SNTG1: variants seen among roughly 807,000 people sequenced by gnomAD.
SNTG1 encodes gamma-1-syntrophin.
A neutral mutation model predicts 74.7 loss-of-function variants in SNTG1; 39 were observed. That is an observed-to-expected ratio of 0.52 (90% CI 0.40 to 0.68). The LOEUF is 0.68. Ranked by LOEUF, SNTG1 falls within the 30% of genes least tolerant of loss-of-function variation. The pLI, the probability that SNTG1 is intolerant of heterozygous loss-of-function variation, is 0.00. For synonymous variants in SNTG1, 254 were observed against 217.1 expected (o/e 1.17, Z -1.49); for missense variants, 685 against 609.5 (o/e 1.12, Z -1.30).
chr8:50,394,313 G>C, intron 3 of SNTG1, 48 bp downstream of exon 3: 1 of 1,589,260 alleles, frequency 6.3e-7, no homozygotes, highest in Admixed American at 1.7e-5. Context: ...CAGAATATAA[G>C]CGGGAAACAC....
At chr8:50,658,255 T>C (rs2095195971) in intron 14 of SNTG1, among the ~76,000 whole-genome samples, 1 of 138,714 alleles carries the variant, frequency 7.2e-6, no homozygotes, top group Admixed American at 7.3e-5. Flanking sequence ...TAACTAGTGG[T>C]AAATTAAAAA....
At chr8:50,088,983 T>G (rs1823195990) in intron 1 of SNTG1, among the ~76,000 whole-genome samples, 1 of 151,624 alleles carries the variant, frequency 6.6e-6, no homozygotes, top group African/African-American at 2.4e-5. Context: ...GCTGGAGGCA[T>G]CACACTACCT....
At chr8:50,396,127 G>A (rs35063719) in intron 3 of SNTG1, among the ~76,000 whole-genome samples, 104,704 of 152,112 alleles carry the variant, frequency 0.69, 36,259 homozygotes, top group East Asian at 0.84. Flanking sequence ...TTATTTAATT[G>A]GTAATACTGT....
At chr8:50,537,288 C>T (rs572655936) in intron 11 of SNTG1, among the ~76,000 whole-genome samples, 1 of 152,074 alleles carries the variant, frequency 6.6e-6, no homozygotes, top group South Asian at 2.1e-4. Flanking sequence ...CCATGCCCAG[C>T]TAATTTTTTG....
At chr8:49,930,325 C>G (rs1225401188) in intron 1 of SNTG1, among the ~76,000 whole-genome samples, 1 of 151,798 alleles carries the variant, frequency 6.6e-6, no homozygotes, top group Non-Finnish European at 1.5e-5. Context: ...TTATTCTATT[C>G]AAAAAGTAAT....
At chr8:50,011,782 C>T (rs1047185900) in intron 1 of SNTG1, 5 of 152,160 alleles carry the variant, frequency 3.3e-5, no homozygotes, top group African/African-American at 4.8e-5. Flanking sequence ...ATAGTGAACA[C>T]TGGACACGTT....
intron 12 of SNTG1, among the ~76,000 whole-genome samples, chr8:50,555,134 T>A (rs1158273712): frequency 3.3e-5 from 5 of 152,158 alleles, no homozygotes; most frequent in Non-Finnish European, 5.9e-5. Context: ...ACAAGCCGCA[T>A]TTTACTGCTT....
In SNTG1 at chr8:50,422,248, C is replaced by A. The variant is rs2093098210; in HGVS notation, c.163-16295C>A. 1.2e-3 allele frequency among the ~76,000 whole-genome samples: 4 copies of A among 3,266 alleles called. No homozygotes were observed. The South Asian group carries it at 0.5, about 408-fold the overall frequency. The allele number at this position is 3,266 out of a possible 152,430, so 2.1% of individuals were successfully genotyped here. A position where few individuals can be genotyped will look rare whatever the true frequency, so the allele number is the denominator to read the frequency against. ...TGAATTTCCTTCAACAGCGATCTAT[C>A]TATCTATCTATCTATCTATCTACTA... On this transcript the variant is annotated intron_variant, in intron 4 of 18. Transcript: ENST00000642720.
intron 1 of SNTG1, among the ~76,000 whole-genome samples, chr8:49,929,978 C>T (rs899052670): frequency 1.3e-5 from 2 of 149,226 alleles, no homozygotes; most frequent in East Asian, 4.0e-4. Flanking sequence ...AGGCAGAAAA[C>T]CAAAATAACA....
Position 50,794,836 on chromosome 8 carries a change from A to G in SNTG1, c.*2007A>G, listed in dbSNP as rs930449826. On this transcript the variant is annotated 3_prime_UTR_variant, in exon 19 of 19. Transcript: ENST00000642720. ...CAAAAGAAAAACGTTTCAACAGTTT[A>G]CCTACCTGTAATAGAATGATTTAAA... 1 of 152,060 alleles carries G rather than the reference A, an allele frequency of 6.6e-6. No homozygotes were observed. The highest frequency in any genetic ancestry group is 1.5e-5 in the Non-Finnish European group (1 of 67,958). The allele number at this position is 152,060 out of a possible 1,614,324, so 9.4% of individuals were successfully genotyped here.
chr8:50,228,908 A>G (rs1459421231), intron 2 of SNTG1, among the ~76,000 whole-genome samples: 2 of 151,808 alleles, frequency 1.3e-5, no homozygotes, highest in African/African-American at 4.8e-5. Context: ...GGCTGAAAAT[A>G]TAGCTGTTTA....
chr8:50,706,826 C>A (rs2095444843), intron 16 of SNTG1, among the ~76,000 whole-genome samples: 1 of 151,796 alleles, frequency 6.6e-6, no homozygotes, highest in Non-Finnish European at 1.5e-5. Context: ...CTTAATTTAT[C>A]ACTTCCAGTA....
chr8:50,260,619 G>T (rs2087139452), intron 2 of SNTG1, among the ~76,000 whole-genome samples: 2 of 151,680 alleles, frequency 1.3e-5, no homozygotes, highest in African/African-American at 2.4e-5. Context: ...ATCAAATATG[G>T]GAGGAATGGT....
intron 2 of SNTG1, among the ~76,000 whole-genome samples, chr8:50,347,646 T>C (rs533402035): frequency 6.6e-6 from 1 of 152,362 alleles, no homozygotes; most frequent in Admixed American, 6.5e-5. Flanking sequence ...GAAAACCTTC[T>C]GAAAAGGATT....
intron 9 of SNTG1, among the ~76,000 whole-genome samples, chr8:50,513,561 C>T (rs978651917): frequency 2.0e-5 from 3 of 152,254 alleles, no homozygotes; most frequent in African/African-American, 7.2e-5. Context: ...CGGTGGGCTC[C>T]ACCCAGTTTG....
rs887351252 is a variant in SNTG1 at position 50,611,772 on chromosome 8, T to C, written c.849+20855T>C. ...ACTCCGTTTTTTAAATTTACTTTAA[T>C]TTAATTTTTTTTGAGTCAGGGTCTC... On this transcript the variant is annotated intron_variant, in intron 13 of 18. Transcript: ENST00000642720. Among the ~76,000 whole-genome samples, 5 of 152,142 alleles carry C rather than the reference T, an allele frequency of 3.3e-5. No individual in the cohort carries two copies. In the East Asian group the frequency reaches 9.7e-4, roughly 29 times the overall value.
At chr8:50,652,592 T>C (rs1041217118) in intron 13 of SNTG1, among the ~76,000 whole-genome samples, 2 of 152,056 alleles carry the variant, frequency 1.3e-5, no homozygotes, top group African/African-American at 4.8e-5. Context: ...AGGTCAGGCG[T>C]TTCAGACCAG....
At chr8:50,349,344 G>A (rs1276551579) in intron 2 of SNTG1, among the ~76,000 whole-genome samples, 1 of 152,024 alleles carries the variant, frequency 6.6e-6, no homozygotes, top group Non-Finnish European at 1.5e-5. Flanking sequence ...AAATTTGCAA[G>A]GAAAGTTAGT....
intron 17 of SNTG1, among the ~76,000 whole-genome samples, chr8:50,721,393 A>T (rs1222626287): frequency 6.6e-6 from 1 of 152,316 alleles, no homozygotes; most frequent in East Asian, 1.9e-4. Flanking sequence ...AATGGGCCTT[A>T]CTCAAATGAA....
Sources: allele counts gnomAD v4.1 joint callset (sites outside exome capture counted in the v4.1 genomes callset), GRCh38; gene constraint gnomAD v4.1.1; transcripts MANE v1.5; gene names NCBI Gene and HGNC (gene_info 2026-07-23, HGNC 2026-07-21).